RND3: variants seen among roughly 807,000 people sequenced by gnomAD.
The protein encoded by RND3 is Rho family GTPase 3, also known as rho-related GTP-binding protein RhoE.
Under a neutral mutation model 26.5 loss-of-function variants are expected in RND3, and 8 were observed. The ratio of observed to expected loss-of-function variants is 0.30; its 90% CI spans 0.18 to 0.54. RND3 has a LOEUF of 0.54. RND3 is among the 20% of genes least tolerant of loss of function. The pLI, the probability that RND3 is intolerant of heterozygous loss-of-function variation, is 0.94. For missense variants in RND3, 207 were observed against 302.8 expected (o/e 0.68, Z 2.35); for synonymous variants, 113 against 113.0 (o/e 1.00, Z 0.00).
rs1573952324 is a variant in RND3 at position 150,471,526 on chromosome 2, C to T, written c.483+101G>A. On this transcript the variant is annotated intron_variant, in intron 5 of 5. Coordinates refer to ENST00000263895, the MANE Select transcript of RND3 (RefSeq NM_005168.5). The stretch of plus-strand genomic sequence containing the variant: ...TTTCACAACTGACCACTGGGTGAGC[C>T]TTTAGAAAAGCAGCTACTTTTTATT... The T allele has an allele frequency of 1.3e-5, 13 of 1,001,728 alleles. No individual in the cohort carries two copies. The East Asian group carries it at 3.3e-4, about 25-fold the overall frequency. 62.1% of individuals were successfully genotyped at this position (1,001,728 alleles called of 1,614,324 possible).
At chr2:150,480,049 C>T (rs542261495) in intron 3 of RND3, among the ~76,000 whole-genome samples, 1 of 152,278 alleles carries the variant, frequency 6.6e-6, no homozygotes, top group East Asian at 1.9e-4. Flanking sequence ...TAGCTTTAAA[C>T]TCCTAATCTT....
At chr2:150,472,248 C>T (rs910163709) in intron 4 of RND3, among the ~76,000 whole-genome samples, 4 of 152,148 alleles carry the variant, frequency 2.6e-5, no homozygotes, top group Non-Finnish European at 5.9e-5. Context: ...AAGCATGCCA[C>T]CACGAGCTGA....
chr2:150,478,578 GCAA>G (rs977185737), intron 3 of RND3, among the ~76,000 whole-genome samples: 8 of 74,172 alleles, frequency 1.1e-4, no homozygotes, highest in African/African-American at 4.6e-4. Flanking sequence ...AAGCCAAACG[GCAA>G]AAAAAAAAAA....
rs1686066260 is a variant in RND3, at chr2:150,470,312, A to G, written c.484-74T>C. 2.7e-6 allele frequency: 4 copies of G among 1,457,078 alleles called. No homozygotes were observed. In the Admixed American group the frequency reaches 7.7e-5, roughly 28 times the overall value. 90.3% of individuals were successfully genotyped at this position (1,457,078 alleles called of 1,614,324 possible). ...AAGTTAGCTAGCATCTTCTAATACC[A>G]CAAAATAATAACACATTGCAAAACG... On this transcript the variant is annotated intron_variant, in intron 5 of 5. Coordinates refer to ENST00000263895, the MANE Select transcript of RND3 (RefSeq NM_005168.5).
intron 2 of RND3, chr2:150,487,046 C>G: frequency 3.3e-6 from 2 of 603,634 alleles, no homozygotes; most frequent in Non-Finnish European, 5.8e-6. Flanking sequence ...GTTTCAGGAG[C>G]TAACCAGCCC....
intron 5 of RND3, 118 bp from the exon 6 acceptor site, chr2:150,470,356 G>T: frequency 9.4e-7 from 1 of 1,059,954 alleles, no homozygotes; most frequent in Non-Finnish European, 1.3e-6. Flanking sequence ...TATGTTAACT[G>T]AATTTTCCAA....
chr2:150,486,071 G>A lies in RND3; in HGVS notation c.238+623C>T, dbSNP rs1345645306. Reference sequence around the variant, plus strand: ...AAAGGGAAAAGCTCGGTACAGGTGGGCACCGAGGCACCGCGGGCGGCCGGC... The same window carrying A: ...AAAGGGAAAAGCTCGGTACAGGTGGACACCGAGGCACCGCGGGCGGCCGGC... On this transcript the variant is annotated intron_variant, in intron 3 of 5. Coordinates refer to ENST00000263895, the MANE Select transcript of RND3 (RefSeq NM_005168.5). The surrounding 1 kb of genome is among the most constrained non-coding windows in gnomAD (Gnocchi z 4.5). 2.0e-5 allele frequency among the ~76,000 whole-genome samples: 3 copies of A among 152,172 alleles called. No individual in the cohort carries two copies. Among genetic ancestry groups the A allele is most frequent in the Non-Finnish European group, 4.4e-5 (3 of 68,040 alleles).
At chr2:150,482,608 A>G (rs1686292431) in intron 3 of RND3, among the ~76,000 whole-genome samples, 1 of 151,850 alleles carries the variant, frequency 6.6e-6, no homozygotes, top group Non-Finnish European at 1.5e-5. Flanking sequence ...TGATTCCTAC[A>G]GCATTTTTAC....
intron 1 of RND3, 25 bp downstream of exon 1, chr2:150,487,524 A>G: frequency 3.4e-6 from 1 of 294,270 alleles, no homozygotes; most frequent in Non-Finnish European, 5.3e-6. Flanking sequence ...AGATATAAAA[A>G]TAAATCACAA....
intron 4 of RND3, among the ~76,000 whole-genome samples, chr2:150,472,988 CCCTT>C (rs894068261): frequency 5.3e-5 from 8 of 151,398 alleles, no homozygotes; most frequent in Non-Finnish European, 1.5e-5. Flanking sequence ...ACTTATTCCT[CCCTT>C]CCTCCCTCCC....
chr2:150,483,773 T>A (rs1255545005), intron 3 of RND3, among the ~76,000 whole-genome samples: 1 of 152,186 alleles, frequency 6.6e-6, no homozygotes, highest in Admixed American at 6.5e-5. Context: ...TTCTTAGAAT[T>A]TAAGTAAGCA....
chr2:150,469,643 C>CA lies in RND3; in HGVS notation c.*343dup, dbSNP rs34091764. On this transcript the variant is annotated 3_prime_UTR_variant, in exon 6 of 6. Transcript: ENST00000263895. ...GTGGAGATCCATGAATAGATTATAA[C>CA]AAAAAAAAAAAACCCAAAAATGCAA... is the stretch of plus-strand genomic sequence containing the variant. 46,736 of 180,394 alleles carry CA rather than the reference C, an allele frequency of 0.26. 5,812 individuals carry two copies. The highest frequency in any genetic ancestry group is 0.45 in the East Asian group (3,139 of 6,964). 11.2% of individuals were successfully genotyped at this position (180,394 alleles called of 1,614,324 possible).
Position 150,476,270 on chromosome 2 carries a change from T to C in RND3, c.239-1286A>G, listed in dbSNP as rs1686163371. ...AATAGGCAAAGTCAGGAAGAGAGACTTAAAAAGCAGCTTTAGAAAAAATGT... is the reference window on the plus strand; with the variant it reads ...AATAGGCAAAGTCAGGAAGAGAGACCTAAAAAGCAGCTTTAGAAAAAATGT... On this transcript the variant is annotated intron_variant, in intron 3 of 5. Transcript: ENST00000263895. Among the ~76,000 whole-genome samples the C allele has an allele frequency of 1.3e-5, 2 of 152,220 alleles. 1 individual carries two copies. The highest frequency in any genetic ancestry group is 4.1e-4 in the South Asian group (2 of 4,832).
At chr2:150,470,884 A>G (rs1686077414) in intron 5 of RND3, among the ~76,000 whole-genome samples, 1 of 152,192 alleles carries the variant, frequency 6.6e-6, no homozygotes, top group Non-Finnish European at 1.5e-5. Flanking sequence ...GAAATTTAAA[A>G]TCGATTTTGA....
chr2:150,483,538 A>G (rs1477709296), intron 3 of RND3, among the ~76,000 whole-genome samples: 2 of 152,230 alleles, frequency 1.3e-5, no homozygotes, highest in African/African-American at 4.8e-5. Flanking sequence ...ATGTATCAAG[A>G]GGCATAAGGC....
In RND3 at chr2:150,486,733, C is replaced by G. The variant is rs764594599; in HGVS notation, c.199G>C (p.Asp67His). ...AGGCTCAACTCTATTCTTTGTGTGT[C>G]GATTTCAAAACTGGCCGTGTAATTC... is the stretch of plus-strand genomic sequence containing the variant. Reference protein sequence around the residue: ...FENYTASFEIDTQRIELSLWD... With the variant: ...FENYTASFEIHTQRIELSLWD... Residue 67 changes from aspartate to histidine, a missense_variant, in exon 3 of 6, where the codon GAC (aspartate) becomes CAC (histidine). Transcript: ENST00000263895. The surrounding 1 kb of genome is among the most constrained non-coding windows in gnomAD (Gnocchi z 4.5). The G allele has an allele frequency of 4.3e-6, 7 of 1,613,788 alleles. No individual in the cohort carries two copies. The highest frequency in any genetic ancestry group is 1.3e-5 in the African/African-American group (1 of 75,036).
intron 4 of RND3, among the ~76,000 whole-genome samples, chr2:150,472,434 A>T (rs1055128742): frequency 6.6e-6 from 1 of 151,962 alleles, no homozygotes; most frequent in African/African-American, 2.4e-5. Context: ...GTTTAAAACT[A>T]TTTCAATCTA....
rs755391507 is a variant in RND3, at chr2:150,486,663, C to A, written c.238+31G>T. ...CATCCCCCAGCGACTGGAAACCCGC[C>A]CCAAGCGCCACGCGGTCCTCCCACT... On this transcript the variant is annotated intron_variant, in intron 3 of 5. Coordinates refer to ENST00000263895, the MANE Select transcript of RND3 (RefSeq NM_005168.5). The surrounding 1 kb of genome is among the most constrained non-coding windows in gnomAD (Gnocchi z 4.5). The A allele has an allele frequency of 2.0e-6, 3 of 1,506,854 alleles. No homozygotes were observed. The highest frequency in any genetic ancestry group is 2.8e-6 in the Non-Finnish European group (3 of 1,082,238). 93.3% of individuals were successfully genotyped at this position (1,506,854 alleles called of 1,614,324 possible). A position where few individuals can be genotyped will look rare whatever the true frequency, so the allele number is the denominator to read the frequency against.
intron 3 of RND3, among the ~76,000 whole-genome samples, chr2:150,477,175 G>A (rs1686183489): frequency 6.6e-6 from 1 of 152,098 alleles, no homozygotes; most frequent in South Asian, 2.1e-4. Context: ...TCCTTTCCCA[G>A]AAATCACTCA....
Sources: allele counts gnomAD v4.1 joint callset (sites outside exome capture counted in the v4.1 genomes callset), GRCh38; gene constraint gnomAD v4.1.1; non-coding constraint Gnocchi (gnomAD v3.1); transcripts MANE v1.5; gene names NCBI Gene and HGNC (gene_info 2026-07-23, HGNC 2026-07-21).